The following SLC17A6 variants were observed in gnomAD, a reference collection of about 807,000 sequenced individuals.
SLC17A6 encodes solute carrier family 17 member 6, also known as vesicular glutamate transporter 2.
In SLC17A6, 35 loss-of-function variants were observed where a neutral mutation model predicts 67.1. That is an observed-to-expected ratio of 0.52 (90% CI 0.40 to 0.69). The LOEUF is 0.69. SLC17A6 is among the 30% of genes least tolerant of loss of function. The pLI, the probability that SLC17A6 is intolerant of heterozygous loss-of-function variation, is 0.00. For missense variants in SLC17A6, 588 were observed against 723.9 expected, an observed-to-expected ratio of 0.81 and a Z score of 2.15; for synonymous variants, 285 against 252.3, an observed-to-expected ratio of 1.13 and a Z score of -1.23.
At position 22,377,394 on chromosome 11, in the gene SLC17A6, T is replaced by A; in HGVS notation, c.1414-11T>A. 1 of 1,588,548 alleles carries A rather than the reference T, an allele frequency of 6.3e-7. No individual in the cohort carries two copies. The highest frequency in any genetic ancestry group is 8.6e-7 in the Non-Finnish European group (1 of 1,164,936). On this transcript the variant is annotated splice_polypyrimidine_tract_variant and intron_variant, in intron 11 of 11. Coordinates refer to ENST00000263160, the MANE Select transcript of SLC17A6 (RefSeq NM_020346.3). ...AGTCAGTTCTCACAGTGCTGCTTTTTCTCACTGCAGTCACGTGAAGAGTGG... is the reference window on the plus strand; with the variant it reads ...AGTCAGTTCTCACAGTGCTGCTTTTACTCACTGCAGTCACGTGAAGAGTGG...
At chr11:22,362,018 G>A (rs1282486176) in intron 5 of SLC17A6, among the ~76,000 whole-genome samples, 1 of 151,784 alleles carries the variant, frequency 6.6e-6, no homozygotes, top group African/African-American at 2.4e-5. Context: ...CTGTCTATAT[G>A]TCTAAGACCT....
At chr11:22,360,671 G>C (rs10500924) in intron 4 of SLC17A6, among the ~76,000 whole-genome samples, 19,630 of 151,782 alleles carry the variant, frequency 0.13, 1,390 homozygotes, top group African/African-American at 0.18. Context: ...ATTTATATTT[G>C]GAATTTACTG....
At chr11:22,347,115 C>G (rs1855885927) in intron 3 of SLC17A6, among the ~76,000 whole-genome samples, 1 of 151,620 alleles carries the variant, frequency 6.6e-6, no homozygotes, top group African/African-American at 2.4e-5. Flanking sequence ...ATCTGTTTCT[C>G]TAATGGTAGT....
Position 22,338,414 on chromosome 11 carries a change from T to C in SLC17A6, c.-120T>C. On this transcript the variant is annotated 5_prime_UTR_variant, in exon 1 of 12. Coordinates refer to ENST00000263160, the MANE Select transcript of SLC17A6 (RefSeq NM_020346.3). ...TCTTGCTGGAGGCGAGCCACTACCATTCTGCTGAGAAGGAAAAGCCCGCAA... is the reference window on the plus strand; with the variant it reads ...TCTTGCTGGAGGCGAGCCACTACCACTCTGCTGAGAAGGAAAAGCCCGCAA... The C allele has an allele frequency of 1.4e-6, 1 of 689,680 alleles. No individual in the cohort carries two copies. The highest frequency in any genetic ancestry group is 2.6e-6 in the Non-Finnish European group (1 of 390,782). The allele number at this position is 689,680 out of a possible 1,614,324, so 42.7% of individuals were successfully genotyped here.
At chr11:22,366,644 A>G (rs1393207541) in intron 7 of SLC17A6, among the ~76,000 whole-genome samples, 4 of 152,214 alleles carry the variant, frequency 2.6e-5, no homozygotes, top group Non-Finnish European at 2.9e-5. Flanking sequence ...TTTATTCCAC[A>G]TAACACTGAT....
chr11:22,378,477 A>T lies in SLC17A6; in HGVS notation c.*737A>T, dbSNP rs1856257304. Reference sequence around the variant, plus strand: ...AAACTTTTCATGTAGCGTATCACATAACTTTTTTGCAAAAAATATAAAAAG... The same window carrying T: ...AAACTTTTCATGTAGCGTATCACATTACTTTTTTGCAAAAAATATAAAAAG... On this transcript the variant is annotated 3_prime_UTR_variant, in exon 12 of 12. Transcript: ENST00000263160. 1 of 152,608 alleles carries T rather than the reference A, an allele frequency of 6.6e-6. No homozygotes were observed. Among genetic ancestry groups the T allele is most frequent in the Non-Finnish European group, 1.5e-5 (1 of 68,016 alleles). 9.5% of individuals were successfully genotyped at this position (152,608 alleles called of 1,614,324 possible). A position where few individuals can be genotyped will look rare whatever the true frequency, so the allele number is the denominator to read the frequency against.
chr11:22,338,650 G>C (rs1855764107), intron 1 of SLC17A6, 31 bp downstream of exon 1: 1 of 1,527,226 alleles, frequency 6.5e-7, no homozygotes, highest in Admixed American at 1.7e-5. Flanking sequence ...GCTTACCTGG[G>C]GCTCAGCATG....
At chr11:22,340,577 G>A (rs1166775064) in intron 1 of SLC17A6, among the ~76,000 whole-genome samples, 2 of 152,188 alleles carry the variant, frequency 1.3e-5, no homozygotes, top group Non-Finnish European at 2.9e-5. Context: ...ATTTGGGGGA[G>A]CCTTTGTATA....
At chr11:22,350,166 A>T (rs1564980119) in intron 3 of SLC17A6, among the ~76,000 whole-genome samples, 1 of 152,156 alleles carries the variant, frequency 6.6e-6, no homozygotes, top group Non-Finnish European at 1.5e-5. Context: ...AATGCTAATC[A>T]TCAGGCAGTT....
chr11:22,370,601 G>T (rs1856164656), intron 8 of SLC17A6, among the ~76,000 whole-genome samples: 2 of 152,050 alleles, frequency 1.3e-5, no homozygotes, highest in African/African-American at 2.4e-5. Flanking sequence ...AATGCTCTTA[G>T]AACTCTTGTC....
intron 5 of SLC17A6, 85 bp from the exon 6 acceptor site, chr11:22,362,654 T>C: frequency 8.9e-7 from 1 of 1,125,882 alleles, no homozygotes; most frequent in Non-Finnish European, 1.3e-6. Flanking sequence ...CCAGCGTCTG[T>C]GTGAATCAAC....
chr11:22,341,592 G>C lies in SLC17A6; in HGVS notation c.151G>C (p.Glu51Gln), dbSNP rs1301991155. 5.0e-6 allele frequency: 8 copies of C among 1,614,100 alleles called. No individual in the cohort carries two copies. Among genetic ancestry groups the C allele is most frequent in the Non-Finnish European group, 5.9e-6 (7 of 1,180,044 alleles). ...GCTGACGGAGGATGGGAAGCCCCTA[G>C]AGGTGCCCGAGAGGAAGGCGCCGCT... ...IELTEDGKPLEVPERKAPLCD... is the reference protein window; with the variant it reads ...IELTEDGKPLQVPERKAPLCD... The change falls in exon 2 of 12, where the codon GAG becomes CAG. Residue 51 changes from glutamate to glutamine, a missense_variant. Around this residue, in one of 4 missense-constraint regions of SLC17A6, gnomAD observed 117 missense variants for 98.7 expected, o/e 1.19. Coordinates refer to ENST00000263160, the MANE Select transcript of SLC17A6 (RefSeq NM_020346.3).
intron 8 of SLC17A6, among the ~76,000 whole-genome samples, chr11:22,371,675 T>A (rs1260397966): frequency 2.0e-5 from 3 of 151,990 alleles, no homozygotes; most frequent in Admixed American, 1.3e-4. Flanking sequence ...TAGCTCCAAT[T>A]AATTGAGAAT....
chr11:22,366,226 G>T (rs949610015), intron 7 of SLC17A6, among the ~76,000 whole-genome samples: 5 of 152,146 alleles, frequency 3.3e-5, no homozygotes, highest in Admixed American at 3.3e-4. Flanking sequence ...TGCTAAAATA[G>T]AATTATAACA....
chr11:22,367,034 C>T (rs1044627574), intron 7 of SLC17A6, among the ~76,000 whole-genome samples: 3 of 145,982 alleles, frequency 2.1e-5, no homozygotes, highest in African/African-American at 7.6e-5. Context: ...AAGGAGAACA[C>T]TGTTTAGTAA....
At chr11:22,367,576 G>A (rs138944086) in intron 7 of SLC17A6, among the ~76,000 whole-genome samples, 19 of 152,226 alleles carry the variant, frequency 1.2e-4, no homozygotes, top group Admixed American at 1.0e-3. Flanking sequence ...ATTTTGAGCA[G>A]AAGTTCTGAG....
At chr11:22,341,122 C>G (rs1855810373) in intron 1 of SLC17A6, among the ~76,000 whole-genome samples, 2 of 152,166 alleles carry the variant, frequency 1.3e-5, no homozygotes, top group South Asian at 2.1e-4. Context: ...CTGCTGGGCG[C>G]GTGTAGGAGT....
At chr11:22,362,857 G>A (rs746916483) in intron 6 of SLC17A6, 32 bp downstream of exon 6, 24 of 1,540,646 alleles carry the variant, frequency 1.6e-5, no homozygotes, top group African/African-American at 4.1e-5. Context: ...TAGAGTTAAA[G>A]GAAATGTGCA....
intron 4 of SLC17A6, among the ~76,000 whole-genome samples, chr11:22,359,809 T>TAA (rs773593536): frequency 0.14 from 21,870 of 152,038 alleles, 1,913 homozygotes; most frequent in East Asian, 0.46. Context: ...GGACTTTTGT[T>TAA]AATGTGTCAT....
Sources: allele counts gnomAD v4.1 joint callset (sites outside exome capture counted in the v4.1 genomes callset), GRCh38; gene constraint gnomAD v4.1.1; regional missense constraint gnomAD v4.1.1; transcripts MANE v1.5; gene names NCBI Gene and HGNC (gene_info 2026-07-23, HGNC 2026-07-21).